The following LMO3 variants were observed in gnomAD, a reference collection of about 807,000 sequenced individuals.
The protein encoded by LMO3 is LIM domain only protein 3.
A neutral mutation model predicts 15.8 loss-of-function variants in LMO3; 2 were observed. That is an observed-to-expected ratio of 0.13 (90% confidence interval 0.05 to 0.40). LMO3 has a LOEUF of 0.40. LMO3 is among the 10% of genes least tolerant of loss of function. The pLI is 0.99. For missense variants in LMO3, 86 were observed against 182.2 expected, an observed-to-expected ratio of 0.47 and a Z score of 3.04; for synonymous variants, 62 against 63.8, an observed-to-expected ratio of 0.97 and a Z score of 0.13.
intron 1 of LMO3, chr12:16,605,701 G>C (rs1353718513): frequency 7.8e-6 from 11 of 1,407,392 alleles, no homozygotes; most frequent in Admixed American, 4.0e-5. Context: ...CTCTCTCCCC[G>C]GGAGTCAGGG....
At chr12:16,605,810 A>G (rs867490548) in intron 1 of LMO3, 7 of 1,535,398 alleles carry the variant, frequency 4.6e-6, no homozygotes, top group Middle Eastern at 1.7e-4. Context: ...CCTTCCATCA[A>G]CATCTTCCGC....
At chr12:16,583,046 C>CA (rs55665813) in intron 2 of LMO3, among the ~76,000 whole-genome samples, 71,010 of 125,936 alleles carry the variant, frequency 0.56, 20,423 homozygotes, top group East Asian at 0.7. Flanking sequence ...GACTCCGCCT[C>CA]AAAAAAAAAA....
At position 16,603,117 on chromosome 12, in the gene LMO3, T is replaced by A. The variant is rs1943880000; in HGVS notation, c.-8-2249A>T. Among the ~76,000 whole-genome samples, 1 of 152,210 alleles carries A rather than the reference T, an allele frequency of 6.6e-6. No individual in the cohort carries two copies. Among genetic ancestry groups the A allele is most frequent in the Non-Finnish European group, 1.5e-5 (1 of 68,038 alleles). ...CAACCAAGACAGGGGATACCAACATTTGGCACAAGTAACACTACCCTACTT... is the reference window on the plus strand; with the variant it reads ...CAACCAAGACAGGGGATACCAACATATGGCACAAGTAACACTACCCTACTT... On this transcript the variant is annotated intron_variant, in intron 1 of 3. Coordinates refer to ENST00000537304, the MANE Select transcript of LMO3 (RefSeq NM_018640.5). This position sits in a 1 kb window ranked among gnomAD's most constrained non-coding sequence, Gnocchi z 4.9.
At chr12:16,575,406 C>T (rs1173767174) in intron 2 of LMO3, among the ~76,000 whole-genome samples, 1 of 152,174 alleles carries the variant, frequency 6.6e-6, no homozygotes, top group Non-Finnish European at 1.5e-5. Context: ...AAAGATTTCC[C>T]TTTGCTTACA....
chr12:16,575,184 TTC>T (rs1942955111), intron 2 of LMO3, among the ~76,000 whole-genome samples: 1 of 152,192 alleles, frequency 6.6e-6, no homozygotes, highest in African/African-American at 2.4e-5. Context: ...AAGCTCCCTA[TTC>T]TCTTTTGCAG....
At chr12:16,590,144 A>G (rs548979760) in intron 2 of LMO3, among the ~76,000 whole-genome samples, 2 of 152,092 alleles carry the variant, frequency 1.3e-5, no homozygotes, top group African/African-American at 4.8e-5. Flanking sequence ...TTTAAAAGAC[A>G]CTTTGTACAT....
intron 1 of LMO3, chr12:16,605,582 T>A: frequency 1.5e-6 from 1 of 665,606 alleles, no homozygotes; most frequent in South Asian, 2.0e-5. Context: ...AAGTGGGGGT[T>A]CATGAATTCC....
chr12:16,600,633 G>A (rs1301737626), intron 2 of LMO3, 22 bp downstream of exon 2: 1 of 1,596,060 alleles, frequency 6.3e-7, no homozygotes, highest in Non-Finnish European at 8.6e-7. Context: ...AGTCATCACT[G>A]GTGTGCAAGG....
chr12:16,557,501 A>G (rs1002055643), intron 3 of LMO3, among the ~76,000 whole-genome samples: 1 of 151,996 alleles, frequency 6.6e-6, no homozygotes, highest in Non-Finnish European at 1.5e-5. Context: ...TGTACAGCAT[A>G]TGCCTTCAAA....
chr12:16,602,824 G>A (rs1273069822), intron 1 of LMO3, among the ~76,000 whole-genome samples: 1 of 152,064 alleles, frequency 6.6e-6, no homozygotes, highest in African/African-American at 2.4e-5. Flanking sequence ...TAGGGGGAAG[G>A]GGAAGTTTTG....
Position 16,599,317 on chromosome 12 carries a change from A to C in LMO3, c.206+1338T>G. The C allele has an allele frequency of 6.6e-6, 1 of 152,234 alleles. No individual in the cohort carries two copies. Among genetic ancestry groups the C allele is most frequent in the Non-Finnish European group, 1.5e-5 (1 of 68,076 alleles). 9.4% of individuals were successfully genotyped at this position (152,234 alleles called of 1,614,324 possible). A position where few individuals can be genotyped will look rare whatever the true frequency, so the allele number is the denominator to read the frequency against. On this transcript the variant is annotated intron_variant, in intron 2 of 3. Transcript: ENST00000537304. The surrounding 1 kb of genome is among the most constrained non-coding windows in gnomAD (Gnocchi z 4.1). The stretch of plus-strand genomic sequence containing the variant: ...CAGAGAAGTAGTAACAAGTGGCCAT[A>C]ATTAGTCAGGAGGCTGTCAGATGAG...
chr12:16,587,193 A>G lies in LMO3; in HGVS notation c.206+13462T>C, dbSNP rs1193979431. On this transcript the variant is annotated intron_variant, in intron 2 of 3. Coordinates refer to ENST00000537304, the MANE Select transcript of LMO3 (RefSeq NM_018640.5). This position sits in a 1 kb window ranked among gnomAD's most constrained non-coding sequence, Gnocchi z 4.3. Reference sequence around the variant, plus strand: ...TCAATCTCAAATATATTCATAAGCTACACACACGAAAATGAAATGAACAAA... The same window carrying G: ...TCAATCTCAAATATATTCATAAGCTGCACACACGAAAATGAAATGAACAAA... Among the ~76,000 whole-genome samples, 1 of 152,178 alleles carries G rather than the reference A, an allele frequency of 6.6e-6. No homozygotes were observed. The highest frequency in any genetic ancestry group is 2.4e-5 in the African/African-American group (1 of 41,454).
chr12:16,582,484 A>G lies in LMO3; in HGVS notation c.206+18171T>C, dbSNP rs191312105. On this transcript the variant is annotated intron_variant, in intron 2 of 3. Transcript: ENST00000537304. The surrounding 1 kb of genome is among the most constrained non-coding windows in gnomAD (Gnocchi z 4.1). ...TGTATTAGAGTTATGTTAGTTTTGC[A>G]TAAGCTGCTTTACATATTTTGAACT... Among the ~76,000 whole-genome samples, 53 of 152,302 alleles carry G rather than the reference A, an allele frequency of 3.5e-4. No individual in the cohort carries two copies. The highest frequency in any genetic ancestry group is 1.3e-3 in the African/African-American group (53 of 41,566).
chr12:16,604,489 G>A lies in LMO3; in HGVS notation c.-9+1577C>T, dbSNP rs778082966. 13 of 221,992 alleles carry A rather than the reference G, an allele frequency of 5.9e-5. No individual in the cohort carries two copies. The highest frequency in any genetic ancestry group is 9.8e-5 in the Non-Finnish European group (11 of 111,692). 13.8% of individuals were successfully genotyped at this position (221,992 alleles called of 1,614,324 possible). A position where few individuals can be genotyped will look rare whatever the true frequency, so the allele number is the denominator to read the frequency against. On this transcript the variant is annotated intron_variant, in intron 1 of 3. Coordinates refer to ENST00000537304, the MANE Select transcript of LMO3 (RefSeq NM_018640.5). This position sits in a 1 kb window ranked among gnomAD's most constrained non-coding sequence, Gnocchi z 5.3. ...TAATTACAGTTACCATGGCAGCAAA[G>A]TGCTAGTGCTTGGCAAAGGCCAACA...
intron 2 of LMO3, among the ~76,000 whole-genome samples, chr12:16,588,222 ATAAAG>A (rs1317157036): frequency 1.3e-5 from 2 of 152,108 alleles, no homozygotes; most frequent in South Asian, 2.1e-4. Context: ...AAAATGTATA[ATAAAG>A]TATTTACAAT....
Position 16,551,051 on chromosome 12 carries a change from G to A in LMO3, c.*171C>T. 1 of 527,042 alleles carries A rather than the reference G, an allele frequency of 1.9e-6. No homozygotes were observed. Among genetic ancestry groups the A allele is most frequent in the Admixed American group, 3.2e-5 (1 of 31,106 alleles). The allele number at this position is 527,042 out of a possible 1,614,324, so 32.6% of individuals were successfully genotyped here. A position where few individuals can be genotyped will look rare whatever the true frequency, so the allele number is the denominator to read the frequency against. Reference sequence around the variant, plus strand: ...ATAATAAACATTCAACTCTGAACTGGGGCAATTTCACTACATACAGATGCA... The same window carrying A: ...ATAATAAACATTCAACTCTGAACTGAGGCAATTTCACTACATACAGATGCA... On this transcript the variant is annotated 3_prime_UTR_variant, in exon 4 of 4. Transcript: ENST00000537304.
Position 16,558,063 on chromosome 12 carries a change from A to ATCTT in LMO3, c.332+2346_332+2349dup, listed in dbSNP as rs566629072. ...AGCTGAACTCAGAAAAGCTTAAAAT[A>ATCTT]TCTTAAAAGAATTTTTAATGGCAGG... On this transcript the variant is annotated intron_variant, in intron 3 of 3. Transcript: ENST00000537304. Among the ~76,000 whole-genome samples, 57 of 152,244 alleles carry ATCTT rather than the reference A, an allele frequency of 3.7e-4. 2 individuals carry two copies. In the South Asian group the frequency reaches 7.7e-3, roughly 20 times the overall value.
chr12:16,590,784 G>T (rs1395433757), intron 2 of LMO3, among the ~76,000 whole-genome samples: 2 of 151,920 alleles, frequency 1.3e-5, no homozygotes. Flanking sequence ...GACGAATGTA[G>T]ATGCATCACT....
chr12:16,592,359 A>C (rs1023696697), intron 2 of LMO3, among the ~76,000 whole-genome samples: 22 of 152,038 alleles, frequency 1.4e-4, no homozygotes, highest in Non-Finnish European at 2.2e-4. Flanking sequence ...TGGTCACAGA[A>C]AATACTGGCT....
Sources: gnomAD v4.1 joint callset for allele counts (sites outside exome capture counted in the v4.1 genomes callset) on GRCh38, gnomAD v4.1.1 for gene constraint, Gnocchi (gnomAD v3.1) non-coding constraint, MANE v1.5 for transcripts, NCBI Gene and HGNC (gene_info 2026-07-23, HGNC 2026-07-21) for gene names.